The following PTPRD variants were observed in gnomAD, a reference collection of about 807,000 sequenced individuals.
The protein encoded by PTPRD is receptor-type tyrosine-protein phosphatase delta.
PTPRD carries 34 observed loss-of-function variants against 214.5 expected under a neutral mutation model. That is an observed-to-expected ratio of 0.16 (90% CI 0.12 to 0.21). PTPRD has a LOEUF of 0.21. Ranked by LOEUF, PTPRD falls within the 10% of genes least tolerant of loss-of-function variation. The pLI, the probability that PTPRD is intolerant of heterozygous loss-of-function variation, is 1.00. For synonymous variants in PTPRD, 1,128 were observed against 845.7 expected (o/e 1.33, Z -5.79); for missense variants, 2,545 against 2,398.7 (o/e 1.06, Z -1.27).
intron 44 of PTPRD, among the ~76,000 whole-genome samples, chr9:8,321,294 A>G (rs928507523): frequency 6.6e-6 from 1 of 151,736 alleles, no homozygotes; most frequent in Admixed American, 6.6e-5. Flanking sequence ...CGAATGCAAC[A>G]AAAACATTGG....
intron 3 of PTPRD, among the ~76,000 whole-genome samples, chr9:10,266,395 G>A (rs1438013928): frequency 6.6e-6 from 1 of 152,130 alleles, no homozygotes; most frequent in East Asian, 1.9e-4. Context: ...ATGTAAGAAG[G>A]AAGAGAAAGC....
At chr9:9,979,280 G>T (rs1588030174) in intron 4 of PTPRD, among the ~76,000 whole-genome samples, 1 of 151,734 alleles carries the variant, frequency 6.6e-6, no homozygotes, top group African/African-American at 2.4e-5. Context: ...AATGATTATG[G>T]CAATATTTTA....
intron 4 of PTPRD, among the ~76,000 whole-genome samples, chr9:10,016,013 G>A (rs906989622): frequency 2.0e-5 from 3 of 152,062 alleles, no homozygotes; most frequent in African/African-American, 7.2e-5. Flanking sequence ...TCCTGAGGCA[G>A]GTACCAGGCT....
At chr9:9,809,795 A>C (rs1461741214) in intron 5 of PTPRD, among the ~76,000 whole-genome samples, 3 of 152,232 alleles carry the variant, frequency 2.0e-5, no homozygotes, top group African/African-American at 7.2e-5. Context: ...GATCAGGGAC[A>C]GGAAATCAGA....
intron 2 of PTPRD, among the ~76,000 whole-genome samples, chr9:10,496,572 A>G (rs2042094510): frequency 6.6e-6 from 1 of 151,914 alleles, no homozygotes; most frequent in Non-Finnish European, 1.5e-5. Flanking sequence ...ATTCCCACCA[A>G]CAGTGTATTA....
At chr9:8,332,842 A>G (rs1039198265) in intron 43 of PTPRD, among the ~76,000 whole-genome samples, 1 of 152,118 alleles carries the variant, frequency 6.6e-6, no homozygotes, top group African/African-American at 2.4e-5. Flanking sequence ...TCCTACTCCT[A>G]AATGGTCTCT....
intron 9 of PTPRD, among the ~76,000 whole-genome samples, chr9:9,323,476 G>C (rs575740021): frequency 6.6e-6 from 1 of 152,100 alleles, no homozygotes; most frequent in African/African-American, 2.4e-5. Context: ...ATGTCGACCA[G>C]GTCGTCTAAC....
intron 6 of PTPRD, among the ~76,000 whole-genome samples, chr9:9,749,057 G>C (rs2031267): frequency 0.29 from 44,644 of 151,906 alleles, 7,309 homozygotes; most frequent in African/African-American, 0.43. Context: ...TCTGGTTTTT[G>C]TGAGTGTCTC....
chr9:9,666,912 T>G (rs1200853186), intron 7 of PTPRD, among the ~76,000 whole-genome samples: 1 of 152,106 alleles, frequency 6.6e-6, no homozygotes, highest in Admixed American at 6.6e-5. Context: ...TTGTATTTAA[T>G]GCAAAAGCCT....
At chr9:9,537,746 G>A (rs1319440286) in intron 8 of PTPRD, among the ~76,000 whole-genome samples, 1 of 151,802 alleles carries the variant, frequency 6.6e-6, no homozygotes, top group Admixed American at 6.6e-5. Flanking sequence ...TAATTCTGCA[G>A]CTTAAAAGTA....
At position 8,971,014 on chromosome 9, in the gene PTPRD, A is replaced by T. The variant is rs149557516; in HGVS notation, c.-104+47683T>A. Among the ~76,000 whole-genome samples the T allele has an allele frequency of 2.1e-3, 303 of 147,126 alleles. 2 individuals are homozygous for T. The highest frequency in any genetic ancestry group is 7.9e-3 in the African/African-American group (293 of 36,980). On this transcript the variant is annotated intron_variant, in intron 11 of 45. Transcript: ENST00000381196. ...AAAAGTTTTTAAAAAGCCTAAAAGCATTTTCATAGAAATTCAGGATATCAA... is the reference window on the plus strand; with the variant it reads ...AAAAGTTTTTAAAAAGCCTAAAAGCTTTTTCATAGAAATTCAGGATATCAA...
chr9:9,029,803 T>C (rs2099598753), intron 10 of PTPRD, among the ~76,000 whole-genome samples: 1 of 151,806 alleles, frequency 6.6e-6, no homozygotes, highest in African/African-American at 2.4e-5. Context: ...TGGTGGGACA[T>C]CCAGGAGAAA....
At chr9:9,457,772 A>G (rs1436340115) in intron 8 of PTPRD, among the ~76,000 whole-genome samples, 1 of 146,886 alleles carries the variant, frequency 6.8e-6, no homozygotes, top group Non-Finnish European at 1.5e-5. Flanking sequence ...TCCCCCAAAT[A>G]CAGGGGGAAG....
At chr9:8,608,697 T>C (rs529582220) in intron 14 of PTPRD, among the ~76,000 whole-genome samples, 1 of 152,132 alleles carries the variant, frequency 6.6e-6, no homozygotes, top group East Asian at 1.9e-4. Context: ...ATTAGAGTAC[T>C]GACGGCAAAT....
Position 8,713,603 on chromosome 9 carries a change from G to C in PTPRD, c.64+20177C>G, listed in dbSNP as rs141818969. ...ACCCACAACATGTACCGGGAATACC[G>C]GGACCTGACCACCGCGGGCGCTGTC... On this transcript the variant is annotated intron_variant, in intron 12 of 45. Coordinates refer to ENST00000381196, the MANE Select transcript of PTPRD (RefSeq NM_002839.4). 3.4e-3 allele frequency: 5,260 copies of C among 1,529,096 alleles called. 153 individuals carry two copies. The African/African-American group carries it at 0.062, about 18-fold the overall frequency. The allele number at this position is 1,529,096 out of a possible 1,614,324, so 94.7% of individuals were successfully genotyped here.
intron 14 of PTPRD, among the ~76,000 whole-genome samples, chr9:8,571,758 T>C (rs898917448): frequency 5.3e-5 from 8 of 152,132 alleles, no homozygotes; most frequent in African/African-American, 1.7e-4. Context: ...TTTGTCCTTA[T>C]AGTTGAGCCT....
intron 9 of PTPRD, among the ~76,000 whole-genome samples, chr9:9,195,107 T>TATATATATATATATATATATATATATAC (rs58832794): frequency 1.4e-5 from 2 of 141,162 alleles, no homozygotes; most frequent in Admixed American, 7.3e-5. Context: ...TATATATATA[T>TATATATATATATATATATATATATATAC]ACACACACAC....
chr9:8,560,470 CACAT>C (rs758233904), intron 14 of PTPRD, among the ~76,000 whole-genome samples: 1,974 of 135,608 alleles, frequency 0.015, 39 homozygotes, highest in African/African-American at 0.057. Flanking sequence ...CACACACACA[CACAT>C]ATATACACTG....
At chr9:8,581,696 G>T (rs927512897) in intron 14 of PTPRD, among the ~76,000 whole-genome samples, 2 of 151,518 alleles carry the variant, frequency 1.3e-5, no homozygotes, top group Non-Finnish European at 2.9e-5. Flanking sequence ...GCAGTGAGCC[G>T]AGATCCCGCT....
Sources: allele counts gnomAD v4.1 joint callset (sites outside exome capture counted in the v4.1 genomes callset), GRCh38; gene constraint gnomAD v4.1.1; transcripts MANE v1.5; gene names NCBI Gene and HGNC (gene_info 2026-07-23, HGNC 2026-07-21).